PDE10A: variants seen among roughly 807,000 people sequenced by gnomAD.
The protein encoded by PDE10A is phosphodiesterase 10A.
In PDE10A, 39 loss-of-function variants were observed where a neutral mutation model predicts 97.7. The ratio of observed to expected loss-of-function variants is 0.40; its 90% CI spans 0.31 to 0.52. The LOEUF (loss-of-function observed/expected upper bound fraction) is 0.52, where lower values mean the gene tolerates loss of function less well. Ranked by LOEUF, PDE10A falls within the 20% of genes least tolerant of loss-of-function variation. PDE10A has a pLI of 0.56. For synonymous variants in PDE10A, 371 were observed against 376.8 expected, an observed-to-expected ratio of 0.98 and a Z score of 0.18; for missense variants, 731 against 1,047.8, an observed-to-expected ratio of 0.70 and a Z score of 4.17.
At chr6:165,372,674 A>G (rs1346920790) in intron 18 of PDE10A, among the ~76,000 whole-genome samples, 1 of 148,564 alleles carries the variant, frequency 6.7e-6, no homozygotes, top group African/African-American at 2.5e-5. Context: ...TATAGATTCA[A>G]TGCCATCCCC....
chr6:165,796,091 C>T (rs796200383), intron 1 of PDE10A, among the ~76,000 whole-genome samples: 1,404 of 108,918 alleles, frequency 0.013, 32 homozygotes, highest in African/African-American at 0.048. Flanking sequence ...TTTTTCTTTT[C>T]TTTTTTTTTT....
chr6:165,740,347 G>C (rs1792689490), intron 1 of PDE10A, among the ~76,000 whole-genome samples: 1 of 148,828 alleles, frequency 6.7e-6, no homozygotes, highest in African/African-American at 2.5e-5. Flanking sequence ...AGAGAGAGAG[G>C]AGAGATGGAG....
At chr6:165,942,085 G>A (rs912874566) in intron 1 of PDE10A, among the ~76,000 whole-genome samples, 12 of 152,138 alleles carry the variant, frequency 7.9e-5, no homozygotes, top group Non-Finnish European at 1.6e-4. Flanking sequence ...TGATTGGCAA[G>A]CAACTTCAAA....
At chr6:165,896,065 C>T (rs986984062) in intron 1 of PDE10A, among the ~76,000 whole-genome samples, 6 of 152,196 alleles carry the variant, frequency 3.9e-5, no homozygotes, top group African/African-American at 7.2e-5. Flanking sequence ...AAGCAAAGGC[C>T]ACATCCTGCC....
chr6:165,464,072 G>C (rs1408888097), intron 3 of PDE10A, among the ~76,000 whole-genome samples: 1 of 152,192 alleles, frequency 6.6e-6, no homozygotes, highest in African/African-American at 2.4e-5. Flanking sequence ...TCTGAAGGCT[G>C]TGAGACCCCT....
At chr6:165,464,949 T>C (rs1252117519) in intron 3 of PDE10A, among the ~76,000 whole-genome samples, 1 of 152,218 alleles carries the variant, frequency 6.6e-6, no homozygotes, top group East Asian at 1.9e-4. Flanking sequence ...TGAGCTATTA[T>C]GAATAAAGCC....
intron 1 of PDE10A, among the ~76,000 whole-genome samples, chr6:165,972,687 A>C (rs1299794599): frequency 6.6e-6 from 1 of 152,188 alleles, no homozygotes; most frequent in Non-Finnish European, 1.5e-5. Context: ...AAGGAGGCTG[A>C]GAGCCCTTTA....
Position 165,827,049 on chromosome 6 carries a change from C to G in PDE10A, c.-615+160480G>C, listed in dbSNP as rs537612952. 2.6e-5 allele frequency among the ~76,000 whole-genome samples: 4 copies of G among 152,270 alleles called. No individual in the cohort carries two copies. In the East Asian group the frequency reaches 7.7e-4, roughly 29 times the overall value. On this transcript the variant is annotated intron_variant, in intron 1 of 19. Coordinates refer to the PDE10A transcript ENST00000366882. ...GCCAGCCGCACAGCCTCGGTTGTCC[C>G]CTGACCAGGACGTGGCCTGCCGGGT...
chr6:165,583,095 C>T (rs369117187), intron 1 of PDE10A, among the ~76,000 whole-genome samples: 10 of 152,218 alleles, frequency 6.6e-5, no homozygotes, highest in South Asian at 2.1e-4. Flanking sequence ...CTACTATGTG[C>T]GGGGGCAGTA....
At chr6:165,488,179 T>C (rs371970821) in intron 2 of PDE10A, among the ~76,000 whole-genome samples, 27 of 152,308 alleles carry the variant, frequency 1.8e-4, no homozygotes, top group African/African-American at 6.3e-4. Flanking sequence ...TAAACTTGCA[T>C]ACCAGTGGGA....
At chr6:165,935,339 T>G (rs1274144647) in intron 1 of PDE10A, among the ~76,000 whole-genome samples, 2 of 152,142 alleles carry the variant, frequency 1.3e-5, no homozygotes, top group Non-Finnish European at 2.9e-5. Context: ...ATCAAAGAAC[T>G]GGAAGTCTGT....
intron 1 of PDE10A, among the ~76,000 whole-genome samples, chr6:165,933,283 G>T (rs1783202044): frequency 6.6e-6 from 1 of 152,144 alleles, no homozygotes; most frequent in African/African-American, 2.4e-5. Context: ...AGAGGGAAGA[G>T]AATTGGCTGA....
rs1350926273 is a variant in PDE10A at position 165,662,443 on chromosome 6, G to C, written c.369C>G (p.Pro123=). Reference sequence around the variant, plus strand: ...AGGGGAGAAAAGAGGGAGGGGGCGGGGGGGGCGGCGGCCAGAAGTAAAAGA... The same window carrying C: ...AGGGGAGAAAAGAGGGAGGGGGCGGCGGGGGCGGCGGCCAGAAGTAAAAGA... The part of the protein sequence containing the change: ...PSFFYFWPPP[P]PPPPSFLPSS... Residue 123 remains proline, a synonymous_variant, in exon 1 of 22, where the codon CCC becomes CCG. Coordinates refer to ENST00000539869, the MANE Select transcript of PDE10A (RefSeq NM_001385079.1). 6.7e-6 allele frequency: 1 copy of C among 150,278 alleles called. No homozygotes were observed. Among genetic ancestry groups the C allele is most frequent in the East Asian group, 2.0e-4 (1 of 5,040 alleles). 9.3% of individuals were successfully genotyped at this position (150,278 alleles called of 1,614,324 possible).
At chr6:165,701,603 G>T (rs536721482) in intron 1 of PDE10A, among the ~76,000 whole-genome samples, 1 of 152,270 alleles carries the variant, frequency 6.6e-6, no homozygotes, top group African/African-American at 2.4e-5. Flanking sequence ...GTGAGAACCA[G>T]ATAGCTTGGT....
At chr6:165,759,040 T>C (rs909245926) in intron 1 of PDE10A, among the ~76,000 whole-genome samples, 65 of 152,290 alleles carry the variant, frequency 4.3e-4, no homozygotes, top group African/African-American at 1.5e-3. Flanking sequence ...GTGATGTCCG[T>C]GGGTCCAGTG....
Position 165,980,580 on chromosome 6 carries a change from A to G in PDE10A, c.-615+6949T>C, listed in dbSNP as rs183070173. Among the ~76,000 whole-genome samples, 65 of 152,300 alleles carry G rather than the reference A, an allele frequency of 4.3e-4. 1 individual carries two copies. In the East Asian group the frequency reaches 0.011, roughly 26 times the overall value. ...AGCAAAGTATAAGGGGAACAGTTTA[A>G]CAGGATACTTGTGTCTGTATATGAA... On this transcript the variant is annotated intron_variant, in intron 1 of 19. Coordinates refer to the PDE10A transcript ENST00000366882.
At chr6:165,555,737 G>C (rs6938249) in intron 1 of PDE10A, among the ~76,000 whole-genome samples, 1 of 152,020 alleles carries the variant, frequency 6.6e-6, no homozygotes, top group Non-Finnish European at 1.5e-5. Flanking sequence ...TTAACTGGAA[G>C]GTGTACCCAC....
In PDE10A at chr6:165,817,550, G is replaced by A. The variant is rs1779452596; in HGVS notation, c.-615+169979C>T. ...CAATGTGGTGTACCCCTGACCCTAG[G>A]TGTCTTGACATGTTTCTACACCCTA... On this transcript the variant is annotated intron_variant, in intron 1 of 19. Coordinates refer to the PDE10A transcript ENST00000366882. Among the ~76,000 whole-genome samples, 4 of 152,098 alleles carry A rather than the reference G, an allele frequency of 2.6e-5. 1 individual carries two copies. In the South Asian group the frequency reaches 8.3e-4, roughly 32 times the overall value.
chr6:165,810,047 A>G (rs973255828), intron 1 of PDE10A, among the ~76,000 whole-genome samples: 10 of 152,158 alleles, frequency 6.6e-5, no homozygotes, highest in African/African-American at 2.4e-4. Flanking sequence ...TCTGGGACCC[A>G]GGGGTATCCA....
Sources: allele counts gnomAD v4.1 joint callset (sites outside exome capture counted in the v4.1 genomes callset), GRCh38; gene constraint gnomAD v4.1.1; transcripts MANE v1.5; gene names NCBI Gene and HGNC (gene_info 2026-07-23, HGNC 2026-07-21).